The following CEP85 variants were observed in gnomAD, a reference collection of about 807,000 sequenced individuals.
The protein encoded by CEP85 is centrosomal protein of 85 kDa.
In CEP85, 58 loss-of-function variants were observed where a neutral mutation model predicts 93.7. The observed-to-expected ratio is 0.62, with a 90% CI of 0.50 to 0.77. The LOEUF (loss-of-function observed/expected upper bound fraction) is 0.77. CEP85 is among the 30% of genes least tolerant of loss of function. The pLI is 0.00. For missense variants in CEP85, 868 were observed against 922.0 expected (o/e 0.94, Z 0.76); for synonymous variants, 314 against 338.6 (o/e 0.93, Z 0.80).
intron 3 of CEP85, among the ~76,000 whole-genome samples, chr1:26,245,337 G>A (rs1371170028): frequency 6.6e-6 from 1 of 152,048 alleles, no homozygotes; most frequent in Non-Finnish European, 1.5e-5. Flanking sequence ...TACCCAGCTG[G>A]TTTTTGGTTT....
intron 3 of CEP85, among the ~76,000 whole-genome samples, chr1:26,246,093 T>C (rs1232826282): frequency 6.6e-6 from 1 of 152,188 alleles, no homozygotes. Context: ...CTTTTTAAAT[T>C]GTAGCAGCCT....
At chr1:26,275,213 G>A (rs2090036428) in intron 12 of CEP85, 142 bp downstream of exon 12, 18 of 607,290 alleles carry the variant, frequency 3.0e-5, no homozygotes, top group South Asian at 2.9e-4. Context: ...GAGGAAAGGT[G>A]CATTGCATCA....
chr1:26,251,397 A>C (rs937868798), intron 3 of CEP85, among the ~76,000 whole-genome samples: 34 of 152,068 alleles, frequency 2.2e-4, no homozygotes, highest in African/African-American at 8.0e-4. Flanking sequence ...GACTACAGGC[A>C]TGCGTCACCA....
intron 7 of CEP85, among the ~76,000 whole-genome samples, chr1:26,261,739 AAATT>A (rs2089812098): frequency 9.9e-6 from 1 of 100,752 alleles, no homozygotes; most frequent in African/African-American, 3.6e-5. Flanking sequence ...AAAAAAAAAA[AAATT>A]TTTTTTTTCC....
At chr1:26,246,010 T>TA (rs1054466428) in intron 3 of CEP85, among the ~76,000 whole-genome samples, 4 of 152,126 alleles carry the variant, frequency 2.6e-5, no homozygotes, top group African/African-American at 9.7e-5. Context: ...ATCACTTTGT[T>TA]ACACAGGTTG....
At chr1:26,253,390 CT>C (rs778365418) in intron 3 of CEP85, among the ~76,000 whole-genome samples, 241 of 134,600 alleles carry the variant, frequency 1.8e-3, no homozygotes, top group Middle Eastern at 3.8e-3. Flanking sequence ...TATCTTTCAT[CT>C]TTTTTTTTTT....
At chr1:26,273,932 A>ATAAATAAATAAATAAAAT (rs1553161624) in intron 11 of CEP85, among the ~76,000 whole-genome samples, 3 of 145,780 alleles carry the variant, frequency 2.1e-5, no homozygotes, top group African/African-American at 5.0e-5. Flanking sequence ...AAATAAATAA[A>ATAAATAAATAAATAAAAT]ATATATATAT....
chr1:26,270,904 A>C, intron 9 of CEP85, 110 bp from the exon 10 acceptor site: 1 of 678,198 alleles, frequency 1.5e-6, no homozygotes, highest in African/African-American at 1.8e-5. Flanking sequence ...ATCCCCAGCT[A>C]CTGCTTGGAC....
intron 13 of CEP85, 53 bp downstream of exon 13, chr1:26,276,813 C>T (rs2090060295): frequency 5.9e-6 from 8 of 1,367,034 alleles, no homozygotes; most frequent in Non-Finnish European, 8.2e-6. Context: ...TCTTTCTCTT[C>T]TCTCCCCCAT....
At position 26,255,467 on chromosome 1, in the gene CEP85, G is replaced by C; in HGVS notation, c.505G>C (p.Gly169Arg). 1 of 1,614,124 alleles carries C rather than the reference G, an allele frequency of 6.2e-7. No individual in the cohort carries two copies. Among genetic ancestry groups the C allele is most frequent in the Non-Finnish European group, 8.5e-7 (1 of 1,180,028 alleles). ...TGAGCAGTCCTGGTTTCCAGCAGTGGGCCATGAAAGACAAGAAGAGGCGAG... is the reference window on the plus strand; with the variant it reads ...TGAGCAGTCCTGGTTTCCAGCAGTGCGCCATGAAAGACAAGAAGAGGCGAG... ...GIEQSWFPAV[G>R]HERQEEARKF... The change falls in exon 4 of 14, where the codon GGC becomes CGC. Residue 169 changes from glycine (G) to arginine (R), a missense_variant. By Grantham distance (125) the Gly-to-Arg change is moderately radical (BLOSUM62 -2). Coordinates refer to ENST00000451429, the MANE Select transcript of CEP85 (RefSeq NM_001319944.2).
At chr1:26,268,660 T>C in intron 8 of CEP85, 25 bp downstream of exon 8, 1 of 1,578,944 alleles carries the variant, frequency 6.3e-7, no homozygotes, top group Non-Finnish European at 8.6e-7. Flanking sequence ...TTGGCATGCC[T>C]GGGGTGATCA....
At position 26,255,151 on chromosome 1, in the gene CEP85, G is replaced by A. The variant is rs2089675740; in HGVS notation, c.209-20G>A. 1.3e-6 allele frequency: 2 copies of A among 1,599,216 alleles called. No homozygotes were observed. Among genetic ancestry groups the A allele is most frequent in the Middle Eastern group, 1.7e-4 (1 of 6,006 alleles). ...CTTGCTACTTCAATTTTTACTTATG[G>A]AAGACTATTCTCTCCCCAGATTTTT... is the stretch of plus-strand genomic sequence containing the variant. On this transcript the variant is annotated intron_variant, in intron 3 of 13. Coordinates refer to ENST00000451429, the MANE Select transcript of CEP85 (RefSeq NM_001319944.2).
Position 26,276,710 on chromosome 1 carries a change from A to G in CEP85, c.2078A>G (p.Gln693Arg). The G allele has an allele frequency of 6.2e-7, 1 of 1,614,186 alleles. No individual in the cohort carries two copies. ...DLQAVCSIVT[Q>R]RAQGHDPNLS... ...CAGGCTGTCTGTAGCATTGTGACCCAGAGGGCCCAGGGCCATGACCCCAAT... is the reference window on the plus strand; with the variant it reads ...CAGGCTGTCTGTAGCATTGTGACCCGGAGGGCCCAGGGCCATGACCCCAAT... The change falls in exon 13 of 14, where the codon CAG becomes CGG. Residue 693 changes from glutamine (Q) to arginine (R), a missense_variant. By Grantham distance (43) the Gln-to-Arg change is conservative. Coordinates refer to ENST00000451429, the MANE Select transcript of CEP85 (RefSeq NM_001319944.2).
At chr1:26,271,174 A>G in intron 10 of CEP85, 67 bp downstream of exon 10, 1 of 995,580 alleles carries the variant, frequency 1.0e-6, no homozygotes, top group South Asian at 1.3e-5. Flanking sequence ...GTGTATTAGG[A>G]GGGATACGTG....
intron 7 of CEP85, among the ~76,000 whole-genome samples, chr1:26,260,778 C>T (rs1288398417): frequency 6.6e-6 from 1 of 151,710 alleles, no homozygotes; most frequent in Non-Finnish European, 1.5e-5. Context: ...AGGAGGAAGC[C>T]TGAGATCCTG....
intron 7 of CEP85, among the ~76,000 whole-genome samples, chr1:26,261,011 G>A (rs551225203): frequency 4.0e-5 from 6 of 151,202 alleles, no homozygotes; most frequent in African/African-American, 1.2e-4. Flanking sequence ...GGCTGGTCTC[G>A]AACTCCTGAC....
intron 3 of CEP85, among the ~76,000 whole-genome samples, chr1:26,253,799 T>C (rs2089655321): frequency 6.6e-6 from 1 of 151,788 alleles, no homozygotes; most frequent in African/African-American, 2.4e-5. Context: ...CCTAGCACTT[T>C]GGGAGGCTGA....
chr1:26,255,089 C>G, intron 3 of CEP85, 82 bp from the exon 4 acceptor site: 1 of 1,161,212 alleles, frequency 8.6e-7, no homozygotes, highest in Non-Finnish European at 1.3e-6. Flanking sequence ...TCAGGACAGG[C>G]CGAGAGCTTC....
chr1:26,269,684 C>G (rs2089945229), intron 9 of CEP85, 70 bp downstream of exon 9: 2 of 1,264,990 alleles, frequency 1.6e-6, no homozygotes, highest in Admixed American at 2.1e-5. Context: ...TGCTCACTTA[C>G]CTGTGTGACT....
Sources: allele counts gnomAD v4.1 joint callset (sites outside exome capture counted in the v4.1 genomes callset), GRCh38; gene constraint gnomAD v4.1.1; transcripts MANE v1.5; gene names NCBI Gene and HGNC (gene_info 2026-07-23, HGNC 2026-07-21).